Variants in ALOX5AP observed in about 807,000 individuals in gnomAD.
ALOX5AP encodes arachidonate 5-lipoxygenase activating protein, also known as arachidonate 5-lipoxygenase-activating protein.
A neutral mutation model predicts 18.5 loss-of-function variants in ALOX5AP; 9 were observed. The observed-to-expected ratio is 0.49, with a 90% CI of 0.29 to 0.85. The LOEUF is 0.85. Ranked by LOEUF, ALOX5AP falls within the 40% of genes least tolerant of loss-of-function variation. The pLI is 0.08. For missense variants in ALOX5AP, 172 were observed against 202.5 expected (o/e 0.85, Z 0.91); for synonymous variants, 81 against 78.6 (o/e 1.03, Z -0.16).
At chr13:30,724,885 C>T (rs574564215) in intron 1 of ALOX5AP, among the ~76,000 whole-genome samples, 1 of 152,320 alleles carries the variant, frequency 6.6e-6, no homozygotes, top group Admixed American at 6.5e-5. Context: ...TTGGCCTGGC[C>T]AGTACTGTTG....
intron 4 of ALOX5AP, among the ~76,000 whole-genome samples, chr13:30,756,335 A>C (rs759671113): frequency 6.6e-6 from 1 of 152,164 alleles, no homozygotes; most frequent in Non-Finnish European, 1.5e-5. Flanking sequence ...CCCGCCCTGC[A>C]GAGTCTGGCG....
At chr13:30,732,969 C>T (rs376672259), upstream of ALOX5AP, among the ~76,000 whole-genome samples, 47 of 152,056 alleles carry the variant, frequency 3.1e-4, no homozygotes, top group African/African-American at 1.1e-3. Flanking sequence ...TCCCGGCTAA[C>T]ACGGTGAAAC....
intron 1 of ALOX5AP, among the ~76,000 whole-genome samples, chr13:30,737,650 T>C (rs112125655): frequency 7.3e-4 from 111 of 152,258 alleles, no homozygotes; most frequent in African/African-American, 2.6e-3. Flanking sequence ...TGGGAGCTAA[T>C]TTTTTGGGCT....
chr13:30,757,552 G>T (rs1201583754), intron 4 of ALOX5AP, among the ~76,000 whole-genome samples: 1 of 152,146 alleles, frequency 6.6e-6, no homozygotes, highest in African/African-American at 2.4e-5. Flanking sequence ...CGTTAAGAGT[G>T]GGGGTGGAAT....
chr13:30,739,107 G>A (rs951731802), intron 1 of ALOX5AP, among the ~76,000 whole-genome samples: 9 of 151,478 alleles, frequency 5.9e-5, no homozygotes, highest in African/African-American at 2.2e-4. Context: ...GCCTCCACCG[G>A]CTGCTTCTTC....
At position 30,755,954 on chromosome 13, in the gene ALOX5AP, G is replaced by T. The variant is rs912865300; in HGVS notation, c.252G>T (p.Ala84=). ...AGLLCSQVPA[A]FAGLMYLFVR... ...CATTTCTCCACTTAGTTCCTGCTGC[G>T]TTTGCTGGACTGATGTACTTGTTTG... Residue 84 remains alanine, a synonymous_variant, in exon 4 of 5, where the codon GCG becomes GCT. Coordinates refer to ENST00000380490, the MANE Select transcript of ALOX5AP (RefSeq NM_001629.4). 6.8e-6 allele frequency: 11 copies of T among 1,614,110 alleles called. No individual in the cohort carries two copies. The highest frequency in any genetic ancestry group is 9.3e-6 in the Non-Finnish European group (11 of 1,179,966).
intron 1 of ALOX5AP, among the ~76,000 whole-genome samples, chr13:30,714,492 G>C (rs1304001418): frequency 6.6e-6 from 1 of 151,004 alleles, no homozygotes; most frequent in East Asian, 1.9e-4. Flanking sequence ...ATTTTGGGGG[G>C]CATCATTCAT....
chr13:30,745,189 G>A (rs1951799732), intron 2 of ALOX5AP, among the ~76,000 whole-genome samples: 1 of 152,186 alleles, frequency 6.6e-6, no homozygotes, highest in African/African-American at 2.4e-5. Flanking sequence ...CACACTCACT[G>A]ATATACTCTC....
At chr13:30,744,315 G>A in intron 2 of ALOX5AP, 156 bp downstream of exon 2, 1 of 626,282 alleles carries the variant, frequency 1.6e-6, no homozygotes. Context: ...GAGAGGCTTT[G>A]TGGACACCCT....
At chr13:30,727,947 C>T (rs1951651964) in intron 1 of ALOX5AP, among the ~76,000 whole-genome samples, 1 of 152,144 alleles carries the variant, frequency 6.6e-6, no homozygotes, top group African/African-American at 2.4e-5. Flanking sequence ...AAACAGCAAC[C>T]TCACTGTTAA....
At chr13:30,754,084 A>C (rs2137825334) in intron 3 of ALOX5AP, among the ~76,000 whole-genome samples, 1 of 152,326 alleles carries the variant, frequency 6.6e-6, no homozygotes, top group East Asian at 1.9e-4. Context: ...TACTAAAAAT[A>C]CAAAATTAGC....
chr13:30,761,380 G>A (rs570488480), intron 4 of ALOX5AP, among the ~76,000 whole-genome samples: 136 of 152,268 alleles, frequency 8.9e-4, no homozygotes, highest in Admixed American at 3.1e-3. Context: ...AAACAGCTTC[G>A]CAAATCACTT....
intron 2 of ALOX5AP, among the ~76,000 whole-genome samples, chr13:30,748,070 C>T (rs1951823286): frequency 6.6e-6 from 1 of 152,076 alleles, no homozygotes; most frequent in Non-Finnish European, 1.5e-5. Context: ...CAGCATGCAC[C>T]ACCATGTCCG....
At chr13:30,715,259 G>A (rs9506350) in intron 1 of ALOX5AP, among the ~76,000 whole-genome samples, 1 of 152,132 alleles carries the variant, frequency 6.6e-6, no homozygotes, top group Non-Finnish European at 1.5e-5. Flanking sequence ...TATAATACCT[G>A]TCTTATTGGG....
chr13:30,747,161 G>A (rs367824924), intron 2 of ALOX5AP, among the ~76,000 whole-genome samples: 2 of 152,316 alleles, frequency 1.3e-5, no homozygotes, highest in East Asian at 1.9e-4. Flanking sequence ...CTGTTCACGT[G>A]TATATTTTAA....
rs920733929 is a variant in ALOX5AP, at chr13:30,723,634, A to C, written c.116+9793A>C. Reference sequence around the variant, plus strand: ...AGCCAGGACATCCTCTAATCCATACATTCCATAGTTTGGTTAATATAAATT... The same window carrying C: ...AGCCAGGACATCCTCTAATCCATACCTTCCATAGTTTGGTTAATATAAATT... On this transcript the variant is annotated intron_variant, in intron 1 of 5. Transcript: ENST00000617770. 8.5e-5 allele frequency among the ~76,000 whole-genome samples: 13 copies of C among 152,260 alleles called. 1 individual carries two copies. The highest frequency in any genetic ancestry group is 3.1e-4 in the African/African-American group (13 of 41,466).
At chr13:30,723,005 C>G (rs1203556218) in intron 1 of ALOX5AP, among the ~76,000 whole-genome samples, 2 of 152,192 alleles carry the variant, frequency 1.3e-5, no homozygotes, top group African/African-American at 4.8e-5. Flanking sequence ...AACTTCTTTT[C>G]TTTATAATTA....
chr13:30,717,522 C>A (rs762129500), intron 1 of ALOX5AP, among the ~76,000 whole-genome samples: 1 of 152,200 alleles, frequency 6.6e-6, no homozygotes, highest in Non-Finnish European at 1.5e-5. Context: ...CCAACCACTC[C>A]GCTCTTTGGG....
At chr13:30,718,124 T>C (rs1056912564) in intron 1 of ALOX5AP, among the ~76,000 whole-genome samples, 1 of 151,792 alleles carries the variant, frequency 6.6e-6, no homozygotes, top group Non-Finnish European at 1.5e-5. Context: ...CATGCCTGGC[T>C]AATTTTGTAT....
Sources: gnomAD v4.1 joint callset for allele counts (sites outside exome capture counted in the v4.1 genomes callset) on GRCh38, gnomAD v4.1.1 for gene constraint, MANE v1.5 for transcripts, NCBI Gene and HGNC (gene_info 2026-07-23, HGNC 2026-07-21) for gene names.